ZNF280C: variants seen among roughly 807,000 people sequenced by gnomAD.
ZNF280C encodes the protein suppressor of hairy wing homolog 3.
A neutral mutation model predicts 53.6 loss-of-function variants in ZNF280C; 14 were observed. That is an observed-to-expected ratio of 0.26 (90% CI 0.17 to 0.41). The LOEUF (loss-of-function observed/expected upper bound fraction) is 0.41. ZNF280C is among the 10% of genes least tolerant of loss of function. The pLI, the probability that ZNF280C is intolerant of heterozygous loss-of-function variation, is 1.00. For synonymous variants in ZNF280C, 203 were observed against 181.1 expected, an observed-to-expected ratio of 1.12 and a Z score of -0.97; for missense variants, 416 against 547.1, an observed-to-expected ratio of 0.76 and a Z score of 2.39.
At chrX:130,218,257 A>G (rs1343929202) in intron 13 of ZNF280C, among the ~76,000 whole-genome samples, 1 of 111,733 alleles carries the variant, frequency 8.9e-6, no homozygotes, top group Non-Finnish European at 1.9e-5. Context: ...ATAACTCTGG[A>G]AAGGCCTGCA....
At chrX:130,226,359 A>T (rs1212663750) in intron 12 of ZNF280C, among the ~76,000 whole-genome samples, 1 of 111,869 alleles carries the variant, frequency 8.9e-6, no homozygotes, top group Non-Finnish European at 1.9e-5. Flanking sequence ...TCCTCCATTC[A>T]AACTTATTCT....
intron 17 of ZNF280C, 48 bp downstream of exon 17, chrX:130,205,249 C>G (rs761706840): frequency 1.8e-6 from 2 of 1,128,089 alleles, no homozygotes; most frequent in South Asian, 3.9e-5. Flanking sequence ...ATCAAAAGTA[C>G]TGAAATAAAT....
intron 8 of ZNF280C, among the ~76,000 whole-genome samples, chrX:130,231,255 C>T (rs1448924951): frequency 9.0e-6 from 1 of 111,597 alleles, no homozygotes; most frequent in Non-Finnish European, 1.9e-5. Flanking sequence ...AAGACACCTA[C>T]ACTTGTATGT....
chrX:130,215,747 A>C (rs149005920), intron 14 of ZNF280C, 44 bp downstream of exon 14: 1 of 1,080,880 alleles, frequency 9.3e-7, no homozygotes, highest in African/African-American at 1.9e-5. Context: ...AATTATATAC[A>C]TAAGATTAAA....
rs182187450 is a variant in ZNF280C, at chrX:130,246,072, A to T, written c.178+787T>A. On this transcript the variant is annotated intron_variant, in intron 3 of 18. Transcript: ENST00000370978. ...AAACTGCTAGGATTACAGGGAGGAG[A>T]TATTTTATTTTAATAAACATCACCA... 1.3e-3 allele frequency among the ~76,000 whole-genome samples: 150 copies of T among 111,888 alleles called. 1 individual carries two copies. The South Asian group carries it at 0.013, about 10-fold the overall frequency.
At chrX:130,212,653 G>A (rs1336999513) in intron 15 of ZNF280C, among the ~76,000 whole-genome samples, 1 of 109,547 alleles carries the variant, frequency 9.1e-6, no homozygotes, top group Non-Finnish European at 1.9e-5. Flanking sequence ...ATCACAAAGA[G>A]TCAAAAAATG....
At chrX:130,242,840 C>A (rs2032408447) in intron 5 of ZNF280C, among the ~76,000 whole-genome samples, 1 of 111,574 alleles carries the variant, frequency 9.0e-6, no homozygotes, top group Non-Finnish European at 1.9e-5. Flanking sequence ...TTGCGCCCAG[C>A]CTTTATTTTT....
chrX:130,228,661 T>C (rs2032247405), intron 10 of ZNF280C, among the ~76,000 whole-genome samples: 4 of 97,307 alleles, frequency 4.1e-5, no homozygotes, highest in Admixed American at 2.3e-4. Flanking sequence ...GGTCTTACTA[T>C]GTTGCCCAGG....
At chrX:130,212,960 C>T (rs933987760) in intron 15 of ZNF280C, among the ~76,000 whole-genome samples, 3 of 111,956 alleles carry the variant, frequency 2.7e-5, no homozygotes, top group Non-Finnish European at 5.6e-5. Context: ...AAAAGTTAAT[C>T]TTGAGAAAAA....
intron 4 of ZNF280C, 22 bp from the exon 5 acceptor site, chrX:130,243,721 C>T (rs763550419): frequency 7.6e-6 from 9 of 1,186,331 alleles, no homozygotes; most frequent in South Asian, 3.7e-5. Context: ...AATTATACAA[C>T]ATATTGAATA....
chrX:130,246,670 T>TCAC (rs1227813268), intron 3 of ZNF280C, among the ~76,000 whole-genome samples, 189 bp downstream of exon 3: 1 of 112,089 alleles, frequency 8.9e-6, no homozygotes, highest in Non-Finnish European at 1.9e-5. Flanking sequence ...TTTTAACCTT[T>TCAC]CACCTCCTTA....
At chrX:130,233,965 A>C (rs1186251344) in intron 8 of ZNF280C, among the ~76,000 whole-genome samples, 1 of 111,248 alleles carries the variant, frequency 9.0e-6, no homozygotes, top group Non-Finnish European at 1.9e-5. Context: ...TAAAATCACA[A>C]AGTGAAAGAC....
At chrX:130,215,118 A>G in intron 15 of ZNF280C, 75 bp downstream of exon 15, 1 of 1,120,468 alleles carries the variant, frequency 8.9e-7, no homozygotes, top group Non-Finnish European at 1.2e-6. Context: ...CTTGCTTTCA[A>G]TAGGATAACT....
intron 5 of ZNF280C, among the ~76,000 whole-genome samples, chrX:130,242,522 A>G (rs1039936018): frequency 3.6e-5 from 4 of 111,598 alleles, no homozygotes; most frequent in Non-Finnish European, 7.5e-5. Flanking sequence ...TCATGTTGCA[A>G]TACATTTTAG....
At chrX:130,253,631 G>A (rs1242418313) in intron 2 of ZNF280C, among the ~76,000 whole-genome samples, 3 of 111,624 alleles carry the variant, frequency 2.7e-5, no homozygotes, top group South Asian at 7.6e-4. Flanking sequence ...TCTGACGTTC[G>A]ACAAAGCTGA....
chrX:130,242,170 G>A (rs969385115), intron 5 of ZNF280C, among the ~76,000 whole-genome samples: 1 of 110,156 alleles, frequency 9.1e-6, no homozygotes, highest in African/African-American at 3.3e-5. Flanking sequence ...TTGAACTTGG[G>A]AGGCAGAGGT....
Position 130,228,961 on chromosome X carries a change from A to G in ZNF280C, c.1147+16T>C, listed in dbSNP as rs761573608. 8 of 1,129,281 alleles carry G rather than the reference A, an allele frequency of 7.1e-6. No individual in the cohort carries two copies. The East Asian group carries it at 1.9e-4, about 26-fold the overall frequency. The allele number at this position is 1,129,281 out of a possible 1,213,427, so 93.1% of individuals were successfully genotyped here. ...AAGTCAACAATATTCAGGATTCCAAAGAAACTTTCACTTACTAGAAAACTC... is the reference window on the plus strand; with the variant it reads ...AAGTCAACAATATTCAGGATTCCAAGGAAACTTTCACTTACTAGAAAACTC... On this transcript the variant is annotated intron_variant, in intron 10 of 18. Coordinates refer to ENST00000370978, the MANE Select transcript of ZNF280C (RefSeq NM_017666.5).
intron 12 of ZNF280C, among the ~76,000 whole-genome samples, chrX:130,221,386 T>C (rs762980004): frequency 3.6e-5 from 4 of 111,488 alleles, no homozygotes; most frequent in Admixed American, 2.9e-4. Context: ...CCTATACCTA[T>C]ACCTCATTCA....
intron 13 of ZNF280C, among the ~76,000 whole-genome samples, chrX:130,217,907 A>T (rs756455914): frequency 8.9e-6 from 1 of 112,358 alleles, no homozygotes; most frequent in Non-Finnish European, 1.9e-5. Context: ...GTGGTGGCTC[A>T]TGCCTGTAAC....
Sources: gnomAD v4.1 joint callset for allele counts (sites outside exome capture counted in the v4.1 genomes callset) on GRCh38, gnomAD v4.1.1 for gene constraint, MANE v1.5 for transcripts, NCBI Gene and HGNC (gene_info 2026-07-23, HGNC 2026-07-21) for gene names.